The following COG5 variants were observed in gnomAD, a reference collection of about 807,000 sequenced individuals.
The protein encoded by COG5 is component of oligomeric golgi complex 5, also known as conserved oligomeric Golgi complex subunit 5.
In COG5, 86 loss-of-function variants were observed where a neutral mutation model predicts 110.4. The observed-to-expected ratio is 0.78, with a 90% CI of 0.65 to 0.93. The LOEUF is 0.93. Ranked by LOEUF, COG5 falls within the 40% of genes least tolerant of loss-of-function variation. COG5 has a pLI of 0.00. For synonymous variants in COG5, 360 were observed against 334.6 expected (o/e 1.08, Z -0.83); for missense variants, 1,077 against 987.0 (o/e 1.09, Z -1.22).
chr7:107,475,979 C>T (rs1470698538), intron 6 of COG5, among the ~76,000 whole-genome samples: 2 of 150,552 alleles, frequency 1.3e-5, no homozygotes, highest in Non-Finnish European at 3.0e-5. Flanking sequence ...CCTCTGTATA[C>T]ACACCAAAAT....
At chr7:107,468,869 T>G (rs1329479904) in intron 6 of COG5, among the ~76,000 whole-genome samples, 2 of 152,158 alleles carry the variant, frequency 1.3e-5, no homozygotes, top group East Asian at 3.9e-4. Context: ...GTCCTCTATT[T>G]TGTCAACAGA....
chr7:107,259,802 T>C (rs947279504), intron 14 of COG5, among the ~76,000 whole-genome samples: 3 of 152,184 alleles, frequency 2.0e-5, no homozygotes, highest in Non-Finnish European at 4.4e-5. Flanking sequence ...TGAGTAGATA[T>C]GCTTGCTGCT....
chr7:107,488,702 T>G (rs1357277456), intron 6 of COG5, among the ~76,000 whole-genome samples: 1 of 151,808 alleles, frequency 6.6e-6, no homozygotes, highest in Non-Finnish European at 1.5e-5. Flanking sequence ...CAAAAATTAG[T>G]TGGGCATGGT....
At chr7:107,278,514 T>C (rs1397884890) in intron 14 of COG5, among the ~76,000 whole-genome samples, 3 of 152,130 alleles carry the variant, frequency 2.0e-5, no homozygotes, top group Non-Finnish European at 4.4e-5. Flanking sequence ...GGTGAGAATA[T>C]GCAGTGTTTG....
chr7:107,280,613 A>G (rs1011920201), intron 14 of COG5, among the ~76,000 whole-genome samples: 3 of 152,008 alleles, frequency 2.0e-5, no homozygotes, highest in African/African-American at 7.2e-5. Flanking sequence ...ATAATGGTAA[A>G]AAAAAAATAT....
intron 17 of COG5, among the ~76,000 whole-genome samples, chr7:107,243,594 C>T (rs978848742): frequency 6.7e-6 from 1 of 150,032 alleles, no homozygotes; most frequent in Middle Eastern, 3.6e-3. Context: ...ACTCCAATGA[C>T]AGTATTAGAT....
intron 6 of COG5, chr7:107,472,909 T>C (rs940160737): frequency 6.6e-6 from 1 of 151,920 alleles, no homozygotes; most frequent in Non-Finnish European, 1.5e-5. Context: ...AAAATGAATA[T>C]ACTGATTAAC....
At chr7:107,347,680 G>A (rs984147359) in intron 10 of COG5, among the ~76,000 whole-genome samples, 4 of 152,092 alleles carry the variant, frequency 2.6e-5, no homozygotes, top group African/African-American at 7.2e-5. Flanking sequence ...ACATCACTAT[G>A]TACTCTATAA....
At chr7:107,404,831 G>A (rs141062998) in intron 7 of COG5, among the ~76,000 whole-genome samples, 237 of 136,822 alleles carry the variant, frequency 1.7e-3, no homozygotes, top group African/African-American at 6.2e-3. Flanking sequence ...GGTATGGCAA[G>A]AGAAGATGGT....
At chr7:107,498,484 A>G (rs1798416870) in intron 6 of COG5, among the ~76,000 whole-genome samples, 1 of 152,200 alleles carries the variant, frequency 6.6e-6, no homozygotes, top group Non-Finnish European at 1.5e-5. Flanking sequence ...CATTTCTCCA[A>G]AGAATACATA....
At chr7:107,270,304 G>A (rs183786702) in intron 14 of COG5, among the ~76,000 whole-genome samples, 50 of 147,622 alleles carry the variant, frequency 3.4e-4, no homozygotes, top group African/African-American at 1.1e-3. Flanking sequence ...CTATTACTCC[G>A]GCTGGAGTGC....
At chr7:107,501,396 G>A (rs1798621197) in intron 6 of COG5, among the ~76,000 whole-genome samples, 1 of 152,030 alleles carries the variant, frequency 6.6e-6, no homozygotes, top group Non-Finnish European at 1.5e-5. Flanking sequence ...AAGTCTTCCA[G>A]CAAGGGGTGA....
At chr7:107,369,961 C>T (rs75382408) in intron 8 of COG5, among the ~76,000 whole-genome samples, 30,500 of 152,036 alleles carry the variant, frequency 0.2, 3,210 homozygotes, top group Non-Finnish European at 0.22. Context: ...TTCTCACATG[C>T]TTATTGAATG....
intron 18 of COG5, among the ~76,000 whole-genome samples, chr7:107,231,966 T>C (rs1800807521): frequency 2.0e-5 from 3 of 152,186 alleles, no homozygotes; most frequent in African/African-American, 7.2e-5. Flanking sequence ...TTAAGCAAAA[T>C]GATAAGTGCT....
At chr7:107,226,574 T>C (rs573920828) in intron 19 of COG5, among the ~76,000 whole-genome samples, 8 of 152,322 alleles carry the variant, frequency 5.3e-5, no homozygotes, top group African/African-American at 1.9e-4. Context: ...CAATTCTCTT[T>C]ACATGACAAC....
At chr7:107,458,834 A>C (rs1197603330) in intron 6 of COG5, among the ~76,000 whole-genome samples, 1 of 152,044 alleles carries the variant, frequency 6.6e-6, no homozygotes, top group Non-Finnish European at 1.5e-5. Context: ...ATTCCAGCCT[A>C]GGCAACAGAG....
intron 6 of COG5, among the ~76,000 whole-genome samples, chr7:107,486,249 C>T (rs538602130): frequency 6.6e-6 from 1 of 151,964 alleles, no homozygotes; most frequent in African/African-American, 2.4e-5. Context: ...ATAGTTTACG[C>T]CCTCAATATC....
intron 6 of COG5, among the ~76,000 whole-genome samples, chr7:107,421,215 A>T (rs1793265006): frequency 6.6e-6 from 1 of 152,228 alleles, no homozygotes; most frequent in Non-Finnish European, 1.5e-5. Context: ...TCGTCAACAG[A>T]AAGATATTTC....
At chr7:107,530,984 G>A (rs992938520) in intron 5 of COG5, among the ~76,000 whole-genome samples, 5 of 151,754 alleles carry the variant, frequency 3.3e-5, no homozygotes, top group Admixed American at 2.6e-4. Flanking sequence ...CCCTCCCAAT[G>A]CCATTACCCT....
Sources: gnomAD v4.1 joint callset for allele counts (sites outside exome capture counted in the v4.1 genomes callset) on GRCh38, gnomAD v4.1.1 for gene constraint, MANE v1.5 for transcripts, NCBI Gene and HGNC (gene_info 2026-07-23, HGNC 2026-07-21) for gene names.